PELI2: variants seen among roughly 807,000 people sequenced by gnomAD.
PELI2 encodes the protein E3 ubiquitin-protein ligase pellino homolog 2.
In PELI2, 23 loss-of-function variants were observed where a neutral mutation model predicts 42.3. The observed-to-expected ratio is 0.54, with a 90% CI of 0.39 to 0.77. PELI2 has a LOEUF of 0.77. Ranked by LOEUF, PELI2 falls within the 30% of genes least tolerant of loss-of-function variation. The pLI, the probability that PELI2 is intolerant of heterozygous loss-of-function variation, is 0.00. For missense variants in PELI2, 463 were observed against 553.2 expected (o/e 0.84, Z 1.64); for synonymous variants, 245 against 212.2 (o/e 1.15, Z -1.34).
At chr14:56,126,738 G>GGATT (rs931442616) in intron 1 of PELI2, among the ~76,000 whole-genome samples, 4 of 152,084 alleles carry the variant, frequency 2.6e-5, no homozygotes, top group Non-Finnish European at 5.9e-5. Context: ...ATTGATTGAT[G>GGATT]GATTGATTGA....
At chr14:56,192,107 G>A (rs1014143154) in intron 2 of PELI2, among the ~76,000 whole-genome samples, 2 of 152,158 alleles carry the variant, frequency 1.3e-5, no homozygotes, top group Admixed American at 1.3e-4. Context: ...CACCTGCCTC[G>A]GCCTCCCAAA....
chr14:56,276,387 C>T (rs1017325027), intron 2 of PELI2, among the ~76,000 whole-genome samples: 2 of 152,146 alleles, frequency 1.3e-5, no homozygotes, highest in Non-Finnish European at 2.9e-5. Context: ...AAATCCCAGT[C>T]CTGGCTTTAG....
chr14:56,211,082 C>T (rs562007425), intron 2 of PELI2, among the ~76,000 whole-genome samples: 14 of 152,142 alleles, frequency 9.2e-5, no homozygotes, highest in African/African-American at 2.9e-4. Flanking sequence ...TTTAGCCCAC[C>T]GGTGGTACTT....
intron 2 of PELI2, among the ~76,000 whole-genome samples, chr14:56,200,665 TGTAA>T (rs1456929701): frequency 6.6e-6 from 1 of 152,242 alleles, no homozygotes; most frequent in Non-Finnish European, 1.5e-5. Flanking sequence ...TGCTGATGAC[TGTAA>T]GTGAACAGCC....
chr14:56,215,940 G>A (rs897922364), intron 2 of PELI2, among the ~76,000 whole-genome samples: 4 of 152,156 alleles, frequency 2.6e-5, no homozygotes, highest in Non-Finnish European at 4.4e-5. Context: ...GTTATGTGGT[G>A]GAATATATAT....
chr14:56,149,087 T>C (rs953414854), intron 1 of PELI2, among the ~76,000 whole-genome samples: 5 of 152,154 alleles, frequency 3.3e-5, no homozygotes, highest in African/African-American at 1.2e-4. Context: ...GCTAAGAAAA[T>C]GTAGAATGAC....
At chr14:56,166,215 A>G (rs1308986610) in intron 1 of PELI2, among the ~76,000 whole-genome samples, 1 of 152,202 alleles carries the variant, frequency 6.6e-6, no homozygotes, top group East Asian at 1.9e-4. Flanking sequence ...AATAACAACC[A>G]CTATTTGCAT....
intron 2 of PELI2, among the ~76,000 whole-genome samples, chr14:56,202,383 AC>A (rs941688764): frequency 6.6e-6 from 1 of 151,246 alleles, no homozygotes; most frequent in Non-Finnish European, 1.5e-5. Flanking sequence ...ATGGCTTTAC[AC>A]CTCCTCTGTC....
rs1260532210 is a variant in PELI2, at chr14:56,228,717, C to G, written c.207+50253C>G. 2.5e-4 allele frequency among the ~76,000 whole-genome samples: 38 copies of G among 152,318 alleles called. 2 individuals are homozygous for G. On this transcript the variant is annotated intron_variant, in intron 2 of 5. Transcript: ENST00000267460. Reference sequence around the variant, plus strand: ...AGAAGACGGATGATTTCTGCATTTCCAACTGAGGTACCAGGTTCATCTCAC... The same window carrying G: ...AGAAGACGGATGATTTCTGCATTTCGAACTGAGGTACCAGGTTCATCTCAC...
intron 3 of PELI2, among the ~76,000 whole-genome samples, chr14:56,283,042 C>CA (rs1157422351): frequency 6.6e-6 from 1 of 152,126 alleles, no homozygotes; most frequent in African/African-American, 2.4e-5. Flanking sequence ...CAGGTACTCT[C>CA]AAAGTGTGAG....
chr14:56,211,405 C>T (rs954308564), intron 2 of PELI2, among the ~76,000 whole-genome samples: 17 of 152,238 alleles, frequency 1.1e-4, no homozygotes, highest in Admixed American at 9.2e-4. Context: ...GTTACCCCCT[C>T]TACTCCCACT....
intron 2 of PELI2, among the ~76,000 whole-genome samples, chr14:56,205,029 CAAAAAA>C (rs35776509): frequency 7.7e-5 from 7 of 91,192 alleles, no homozygotes; most frequent in Non-Finnish European, 1.2e-4. Flanking sequence ...GACTCCCTGT[CAAAAAA>C]AAAAAAAAAA....
In PELI2 at chr14:56,123,425, C is replaced by T. The variant is rs1196165388; in HGVS notation, c.77+4688C>T. Among the ~76,000 whole-genome samples the T allele has an allele frequency of 2.6e-5, 4 of 152,152 alleles. 1 individual carries two copies. The highest frequency in any genetic ancestry group is 5.9e-5 in the Non-Finnish European group (4 of 68,024). ...TTATAAAACAAAATCTTTACTGTAGCTCAGCATGTGGGGTGATCTGAAGAG... is the reference window on the plus strand; with the variant it reads ...TTATAAAACAAAATCTTTACTGTAGTTCAGCATGTGGGGTGATCTGAAGAG... On this transcript the variant is annotated intron_variant, in intron 1 of 5. Coordinates refer to ENST00000267460, the MANE Select transcript of PELI2 (RefSeq NM_021255.3).
intron 2 of PELI2, among the ~76,000 whole-genome samples, chr14:56,277,457 C>T (rs1889334482): frequency 6.6e-6 from 1 of 151,834 alleles, no homozygotes; most frequent in Non-Finnish European, 1.5e-5. Flanking sequence ...AAAACAAGCT[C>T]AGGGCTCCCA....
intron 2 of PELI2, among the ~76,000 whole-genome samples, chr14:56,183,150 A>G (rs1417365443): frequency 6.6e-6 from 1 of 152,160 alleles, no homozygotes; most frequent in Non-Finnish European, 1.5e-5. Context: ...TGAGTATTTT[A>G]TTTTAAATAA....
At chr14:56,189,096 T>A (rs967362882) in intron 2 of PELI2, among the ~76,000 whole-genome samples, 1 of 151,974 alleles carries the variant, frequency 6.6e-6, no homozygotes, top group Non-Finnish European at 1.5e-5. Context: ...GTTGTGGAGG[T>A]TGCAGTGAGT....
chr14:56,157,148 T>G (rs1185013416), intron 1 of PELI2, among the ~76,000 whole-genome samples: 2 of 152,230 alleles, frequency 1.3e-5, no homozygotes, highest in Non-Finnish European at 2.9e-5. Context: ...CAAACTAAAA[T>G]TAACTTCTAG....
intron 3 of PELI2, among the ~76,000 whole-genome samples, chr14:56,284,892 A>G (rs578023786): frequency 2.7e-4 from 41 of 152,330 alleles, no homozygotes; most frequent in African/African-American, 9.6e-4. Context: ...GGCAGAGGAA[A>G]CAGTGAGCGC....
chr14:56,122,261 A>T (rs1342567806), intron 1 of PELI2, among the ~76,000 whole-genome samples: 1 of 149,084 alleles, frequency 6.7e-6, no homozygotes, highest in Non-Finnish European at 1.5e-5. Context: ...AAAGTATAAT[A>T]AAAAAAAATT....
Sources: gnomAD v4.1 joint callset for allele counts (sites outside exome capture counted in the v4.1 genomes callset) on GRCh38, gnomAD v4.1.1 for gene constraint, MANE v1.5 for transcripts, NCBI Gene and HGNC (gene_info 2026-07-23, HGNC 2026-07-21) for gene names.